Variants in DLC1 observed in about 807,000 individuals in gnomAD.
The protein encoded by DLC1 is rho GTPase-activating protein 7.
A neutral mutation model predicts 140.3 loss-of-function variants in DLC1; 54 were observed. The ratio of observed to expected loss-of-function variants is 0.38; its 90% confidence interval spans 0.31 to 0.48. The LOEUF is 0.48. Among genes scored for constraint, DLC1 ranks in the 20% least tolerant of loss-of-function variants. The pLI, the probability that DLC1 is intolerant of heterozygous loss-of-function variation, is 0.96. For synonymous variants in DLC1, 986 were observed against 728.1 expected (o/e 1.35, Z -5.70); for missense variants, 2,536 against 1,907.0 (o/e 1.33, Z -6.14).
chr8:13,532,425 ATGT>A (rs1475133975), intron 1 of DLC1, among the ~76,000 whole-genome samples: 27 of 152,348 alleles, frequency 1.8e-4, no homozygotes, highest in African/African-American at 6.0e-4. Context: ...AACACAGCAA[ATGT>A]TGTTGTAAGC....
At chr8:13,426,457 T>C (rs1374284711) in intron 2 of DLC1, among the ~76,000 whole-genome samples, 1 of 152,196 alleles carries the variant, frequency 6.6e-6, no homozygotes, top group Non-Finnish European at 1.5e-5. Context: ...TACCTCTGTA[T>C]TTTAATAAAT....
intron 5 of DLC1, among the ~76,000 whole-genome samples, chr8:13,191,012 A>C (rs1826721306): frequency 6.6e-6 from 1 of 151,854 alleles, no homozygotes; most frequent in South Asian, 2.1e-4. Flanking sequence ...CTGGGGGATT[A>C]TATTGGGGGT....
intron 4 of DLC1, among the ~76,000 whole-genome samples, chr8:13,375,172 C>T (rs990449952): frequency 1.3e-5 from 2 of 151,614 alleles, no homozygotes; most frequent in African/African-American, 2.4e-5. Context: ...GGACTACAGG[C>T]GCCCGCCACT....
At chr8:13,419,470 A>G (rs1838214117) in intron 2 of DLC1, among the ~76,000 whole-genome samples, 1 of 152,194 alleles carries the variant, frequency 6.6e-6, no homozygotes, top group African/African-American at 2.4e-5. Flanking sequence ...TGTTGAGATA[A>G]TCATGTGGTT....
chr8:13,549,079 A>G (rs1158774574), intron 1 of DLC1, among the ~76,000 whole-genome samples: 3 of 152,088 alleles, frequency 2.0e-5, no homozygotes, highest in Non-Finnish European at 4.4e-5. Context: ...AAGTCAGGAA[A>G]TGAGTCTCCA....
Position 13,461,390 on chromosome 8 carries a change from C to T in DLC1, c.1023+37659G>A, listed in dbSNP as rs1453320831. On this transcript the variant is annotated intron_variant, in intron 2 of 17. Coordinates refer to ENST00000276297, the MANE Select transcript of DLC1 (RefSeq NM_182643.3). ...CATTTACAAACATGTACAGGAGCTTCCCTCCACCCCTTTATAAACATTAAT... is the reference window on the plus strand; with the variant it reads ...CATTTACAAACATGTACAGGAGCTTTCCTCCACCCCTTTATAAACATTAAT... Among the ~76,000 whole-genome samples the T allele has an allele frequency of 4.6e-5, 7 of 152,172 alleles. No homozygotes were observed. The East Asian group carries it at 1.4e-3, about 29-fold the overall frequency.
At chr8:13,437,831 G>T (rs1291675876) in intron 2 of DLC1, among the ~76,000 whole-genome samples, 1 of 152,032 alleles carries the variant, frequency 6.6e-6, no homozygotes, top group South Asian at 2.1e-4. Flanking sequence ...GAATCAAGAG[G>T]CTGCTTGAGA....
chr8:13,182,712 T>C (rs1171449363), intron 5 of DLC1, among the ~76,000 whole-genome samples: 1 of 152,210 alleles, frequency 6.6e-6, no homozygotes, highest in African/African-American at 2.4e-5. Context: ...CATGCTGTTT[T>C]GGTTACTGTA....
At chr8:13,483,942 T>C (rs1027163114) in intron 2 of DLC1, among the ~76,000 whole-genome samples, 2 of 149,040 alleles carry the variant, frequency 1.3e-5, no homozygotes, top group African/African-American at 2.5e-5. Context: ...AAAAGCCAGG[T>C]GTGGTAGCAT....
chr8:13,272,334 G>C (rs1421003096), intron 5 of DLC1, among the ~76,000 whole-genome samples: 2 of 152,028 alleles, frequency 1.3e-5, no homozygotes, highest in African/African-American at 4.8e-5. Context: ...TGTAATCCCA[G>C]CTACTCGAGA....
At chr8:13,094,301 A>G (rs969724343) in intron 12 of DLC1, among the ~76,000 whole-genome samples, 5 of 152,212 alleles carry the variant, frequency 3.3e-5, no homozygotes, top group African/African-American at 1.2e-4. Context: ...CTGTTCCACA[A>G]ACAAGGCGGC....
intron 1 of DLC1, among the ~76,000 whole-genome samples, chr8:13,601,614 A>C (rs1182486237): frequency 6.6e-6 from 1 of 151,272 alleles, no homozygotes; most frequent in Non-Finnish European, 1.5e-5. Flanking sequence ...CTAACTTGTC[A>C]AAGAGTCCAG....
intron 5 of DLC1, among the ~76,000 whole-genome samples, chr8:13,235,061 G>A (rs983148401): frequency 4.6e-5 from 7 of 151,950 alleles, no homozygotes; most frequent in African/African-American, 1.4e-4. Flanking sequence ...TATGACAGCT[G>A]TTATCTTTTG....
At chr8:13,442,230 A>C (rs1215460382) in intron 2 of DLC1, among the ~76,000 whole-genome samples, 1 of 152,228 alleles carries the variant, frequency 6.6e-6, no homozygotes, top group African/African-American at 2.4e-5. Context: ...CTTAAATGTT[A>C]GACCTAAAAC....
intron 4 of DLC1, among the ~76,000 whole-genome samples, chr8:13,337,142 AT>A: frequency 6.6e-6 from 1 of 152,298 alleles, no homozygotes; most frequent in Non-Finnish European, 1.5e-5. Context: ...TTACAAGAGC[AT>A]TTAATTTCTC....
chr8:13,453,757 A>G (rs1171730825), intron 2 of DLC1, among the ~76,000 whole-genome samples: 1 of 151,130 alleles, frequency 6.6e-6, no homozygotes, highest in African/African-American at 2.4e-5. Context: ...ACTTTGTTAT[A>G]ATTGTAGAAC....
chr8:13,601,453 G>C (rs1337339257), intron 1 of DLC1, among the ~76,000 whole-genome samples: 1 of 151,752 alleles, frequency 6.6e-6, no homozygotes, highest in Non-Finnish European at 1.5e-5. Flanking sequence ...CGGATTGTTA[G>C]AGATGGGCCA....
intron 2 of DLC1, among the ~76,000 whole-genome samples, chr8:13,466,361 T>G (rs778406843): frequency 3.9e-5 from 6 of 152,194 alleles, no homozygotes; most frequent in Non-Finnish European, 8.8e-5. Context: ...CTTCTGTTGT[T>G]TCATGTGTTT....
intron 5 of DLC1, among the ~76,000 whole-genome samples, chr8:13,303,864 G>A (rs1211068176): frequency 1.3e-5 from 2 of 152,112 alleles, no homozygotes; most frequent in African/African-American, 4.8e-5. Flanking sequence ...AGAATGAAGT[G>A]TTTCTCCCTG....
Sources: allele counts gnomAD v4.1 joint callset (sites outside exome capture counted in the v4.1 genomes callset), GRCh38; gene constraint gnomAD v4.1.1; transcripts MANE v1.5; gene names NCBI Gene and HGNC (gene_info 2026-07-23, HGNC 2026-07-21).